Variants in SNTB2 observed in about 807,000 individuals in gnomAD.
SNTB2 encodes the protein beta-2-syntrophin.
SNTB2 carries 34 observed loss-of-function variants against 46.2 expected under a neutral mutation model. The observed-to-expected ratio is 0.74, with a 90% CI of 0.56 to 0.98. The LOEUF is 0.98. SNTB2 is among the 50% of genes least tolerant of loss of function. The pLI is 0.00. For synonymous variants in SNTB2, 290 were observed against 312.6 expected, an observed-to-expected ratio of 0.93 and a Z score of 0.76; for missense variants, 603 against 731.4, an observed-to-expected ratio of 0.82 and a Z score of 2.02.
intron 5 of SNTB2, among the ~76,000 whole-genome samples, chr16:69,286,142 A>C (rs913210319): frequency 6.7e-6 from 1 of 148,694 alleles, no homozygotes; most frequent in African/African-American, 2.5e-5. Flanking sequence ...TTTAGAGATG[A>C]GGTCTTACTG....
At chr16:69,230,075 C>G (rs1358013332) in intron 1 of SNTB2, among the ~76,000 whole-genome samples, 1 of 152,080 alleles carries the variant, frequency 6.6e-6, no homozygotes, top group Non-Finnish European at 1.5e-5. Context: ...GCCTGAGCCA[C>G]TGCATCTGGC....
intron 1 of SNTB2, among the ~76,000 whole-genome samples, chr16:69,227,953 G>T (rs1964474382): frequency 6.6e-6 from 1 of 150,938 alleles, no homozygotes; most frequent in Admixed American, 6.6e-5. Context: ...AAATTCCTGG[G>T]CTTAAGCGAT....
chr16:69,201,652 A>G (rs1001218201), intron 1 of SNTB2, among the ~76,000 whole-genome samples: 1 of 152,194 alleles, frequency 6.6e-6, no homozygotes, highest in Non-Finnish European at 1.5e-5. Context: ...ATTGTCAACA[A>G]TACTTCTCAG....
In SNTB2 at chr16:69,292,392, A is replaced by ATATATATATATATTATATATATAT. The variant is rs1965174584; in HGVS notation, c.1346-7185_1346-7184insTATATATATATTATATATATATAT. Among the ~76,000 whole-genome samples, 10 of 26,362 alleles carry ATATATATATATATTATATATATAT rather than the reference A, an allele frequency of 3.8e-4. 1 individual carries two copies. Among genetic ancestry groups the ATATATATATATATTATATATATAT allele is most frequent in the African/African-American group, 3.4e-3 (10 of 2,942 alleles). The allele number at this position is 26,362 out of a possible 152,430, so 17.3% of individuals were successfully genotyped here. A position where few individuals can be genotyped will look rare whatever the true frequency, so the allele number is the denominator to read the frequency against. ...TATATATATATATTATATATATATTATATATATATATATATTATATATATA... is the reference window on the plus strand; with the variant it reads ...TATATATATATATTATATATATATTATATATATATATATTATATATATATTATATATATATATATTATATATATA... On this transcript the variant is annotated intron_variant, in intron 5 of 6. Transcript: ENST00000336278.
intron 4 of SNTB2, among the ~76,000 whole-genome samples, chr16:69,275,033 T>C (rs1964973811): frequency 6.6e-6 from 1 of 151,668 alleles, no homozygotes; most frequent in African/African-American, 2.4e-5. Context: ...TCCTTTTCCT[T>C]TCTTTTCTCC....
At chr16:69,296,234 C>A (rs564330044) in intron 5 of SNTB2, among the ~76,000 whole-genome samples, 58 of 151,744 alleles carry the variant, frequency 3.8e-4, no homozygotes, top group African/African-American at 1.3e-3. Flanking sequence ...GAGCTAAGAT[C>A]ACGCCATTAC....
At chr16:69,296,084 A>C (rs1965220335) in intron 5 of SNTB2, among the ~76,000 whole-genome samples, 2 of 151,982 alleles carry the variant, frequency 1.3e-5, no homozygotes, top group East Asian at 3.9e-4. Context: ...GTTCGAGACC[A>C]GCCTGACCAA....
intron 4 of SNTB2, among the ~76,000 whole-genome samples, chr16:69,280,314 C>T (rs1192824930): frequency 6.6e-6 from 1 of 152,244 alleles, no homozygotes; most frequent in Non-Finnish European, 1.5e-5. Context: ...CCCCACCTTT[C>T]CCCCCTTTCT....
intron 2 of SNTB2, among the ~76,000 whole-genome samples, chr16:69,249,647 G>A (rs561732946): frequency 6.6e-6 from 1 of 152,184 alleles, no homozygotes; most frequent in East Asian, 1.9e-4. Flanking sequence ...GGGCAGTTTG[G>A]GGCTACAAGA....
intron 1 of SNTB2, among the ~76,000 whole-genome samples, chr16:69,235,489 A>T (rs536451213): frequency 1.3e-5 from 2 of 152,246 alleles, no homozygotes; most frequent in Admixed American, 6.5e-5. Flanking sequence ...TGTAGTTTCT[A>T]TATAGGTGGA....
At chr16:69,224,713 T>G (rs750392528) in intron 1 of SNTB2, among the ~76,000 whole-genome samples, 17 of 152,222 alleles carry the variant, frequency 1.1e-4, no homozygotes, top group African/African-American at 3.9e-4. Flanking sequence ...GAGCTGGCCC[T>G]TCTCCTCCAT....
intron 3 of SNTB2, among the ~76,000 whole-genome samples, chr16:69,263,967 A>C (rs1326784451): frequency 1.3e-5 from 2 of 151,664 alleles, no homozygotes; most frequent in Non-Finnish European, 1.5e-5. Flanking sequence ...CTCCCAAAAA[A>C]AAAATTTTTT....
chr16:69,229,849 A>G (rs1964490694), intron 1 of SNTB2, among the ~76,000 whole-genome samples: 1 of 146,328 alleles, frequency 6.8e-6, no homozygotes, highest in African/African-American at 2.5e-5. Flanking sequence ...TCTCAAAAAA[A>G]AAAAAAAAAC....
At chr16:69,270,379 A>G in intron 4 of SNTB2, 94 bp downstream of exon 4, 1 of 1,484,064 alleles carries the variant, frequency 6.7e-7, no homozygotes, top group Admixed American at 1.9e-5. Context: ...TAGGTGCCTA[A>G]AAGAGCATTT....
intron 1 of SNTB2, among the ~76,000 whole-genome samples, chr16:69,195,920 A>C (rs1964100881): frequency 6.6e-6 from 1 of 152,218 alleles, no homozygotes; most frequent in African/African-American, 2.4e-5. Flanking sequence ...AGGTTAACTT[A>C]TGTACACTAT....
At chr16:69,225,605 CTTA>C (rs1964451039) in intron 1 of SNTB2, among the ~76,000 whole-genome samples, 1 of 152,134 alleles carries the variant, frequency 6.6e-6, no homozygotes, top group Admixed American at 6.5e-5. Context: ...CATGTTTTGC[CTTA>C]TTATAATTTC....
At chr16:69,202,400 GA>G in intron 1 of SNTB2, among the ~76,000 whole-genome samples, 1 of 146,596 alleles carries the variant, frequency 6.8e-6, no homozygotes, top group Non-Finnish European at 1.5e-5. Context: ...TGAACTGTTA[GA>G]ATTTTTTTTT....
At chr16:69,191,798 G>C (rs1174258887) in intron 1 of SNTB2, among the ~76,000 whole-genome samples, 1 of 151,702 alleles carries the variant, frequency 6.6e-6, no homozygotes, top group African/African-American at 2.4e-5. Flanking sequence ...CCGCCACCAT[G>C]CCCGGCCAAT....
intron 5 of SNTB2, among the ~76,000 whole-genome samples, chr16:69,295,528 G>C (rs1025481510): frequency 6.6e-6 from 1 of 151,854 alleles, no homozygotes; most frequent in Non-Finnish European, 1.5e-5. Flanking sequence ...GATTACAGGC[G>C]TGAGCCACCG....
Sources: gnomAD v4.1 joint callset for allele counts (sites outside exome capture counted in the v4.1 genomes callset) on GRCh38, gnomAD v4.1.1 for gene constraint, MANE v1.5 for transcripts, NCBI Gene and HGNC (gene_info 2026-07-23, HGNC 2026-07-21) for gene names.